Variants in RYR3 observed in about 807,000 individuals in gnomAD.
RYR3 encodes the protein brain ryanodine receptor-calcium release channel.
A neutral mutation model predicts 584.3 loss-of-function variants in RYR3; 207 were observed. The observed-to-expected ratio is 0.35, with a 90% confidence interval of 0.32 to 0.40. RYR3 has a LOEUF of 0.40. Among genes scored for constraint, RYR3 ranks in the 10% least tolerant of loss-of-function variants. The pLI is 1.00. For synonymous variants in RYR3, 2,416 were observed against 2,248.5 expected (o/e 1.07, Z -2.11); for missense variants, 5,616 against 6,089.2 (o/e 0.92, Z 2.59).
At chr15:33,499,949 A>C (rs1391094449) in intron 2 of RYR3, among the ~76,000 whole-genome samples, 1 of 152,218 alleles carries the variant, frequency 6.6e-6, no homozygotes, top group Non-Finnish European at 1.5e-5. Context: ...GGGGAGAAGA[A>C]AGACGTGTTG....
At chr15:33,556,795 A>G (rs964269000) in intron 10 of RYR3, among the ~76,000 whole-genome samples, 1 of 152,008 alleles carries the variant, frequency 6.6e-6, no homozygotes, top group Admixed American at 6.6e-5. Flanking sequence ...CCCTGGCTGC[A>G]CTCACATCAG....
At chr15:33,822,888 A>C in intron 80 of RYR3, 108 bp from the exon 81 acceptor site, 9 of 778,562 alleles carry the variant, frequency 1.2e-5, no homozygotes, top group African/African-American at 1.7e-5. Context: ...TTCCATAAGC[A>C]GAGCGTCCAA....
intron 20 of RYR3, among the ~76,000 whole-genome samples, chr15:33,625,314 A>T (rs561539638): frequency 7.4e-4 from 112 of 152,314 alleles, no homozygotes; most frequent in African/African-American, 2.5e-3. Flanking sequence ...ACAATTCGAG[A>T]TGATATTTGG....
intron 6 of RYR3, 143 bp downstream of exon 6, chr15:33,539,605 G>A (rs190261435): frequency 6.2e-6 from 3 of 482,548 alleles, no homozygotes; most frequent in South Asian, 3.7e-5. Context: ...ACAATGTAGG[G>A]GTTAGGGATG....
chr15:33,435,564 C>T (rs1309701454), intron 1 of RYR3, among the ~76,000 whole-genome samples: 4 of 152,196 alleles, frequency 2.6e-5, no homozygotes, highest in Non-Finnish European at 4.4e-5. Context: ...ATTGATGGGT[C>T]AAATGGGCTA....
intron 74 of RYR3, among the ~76,000 whole-genome samples, 163 bp from the exon 75 acceptor site, chr15:33,816,699 G>A (rs1228634411): frequency 6.6e-6 from 1 of 152,146 alleles, no homozygotes; most frequent in African/African-American, 2.4e-5. Flanking sequence ...GAGGGTTCTG[G>A]TTTCTTTGAA....
At chr15:33,576,642 A>C (rs998320642) in intron 12 of RYR3, among the ~76,000 whole-genome samples, 5 of 152,240 alleles carry the variant, frequency 3.3e-5, no homozygotes, top group Admixed American at 6.5e-5. Context: ...ATTTATGACA[A>C]ACCCACAGTC....
intron 1 of RYR3, among the ~76,000 whole-genome samples, chr15:33,407,071 G>A (rs1460478408): frequency 3.3e-5 from 5 of 152,222 alleles, no homozygotes; most frequent in African/African-American, 4.8e-5. Context: ...CTCTGAAGGG[G>A]AGGAACACTG....
intron 31 of RYR3, among the ~76,000 whole-genome samples, chr15:33,650,396 A>C (rs529148137): frequency 1.5e-4 from 23 of 152,132 alleles, no homozygotes; most frequent in Non-Finnish European, 2.8e-4. Flanking sequence ...AAAATAAAAA[A>C]ATAAGTGCTG....
intron 1 of RYR3, among the ~76,000 whole-genome samples, chr15:33,332,505 G>T (rs956001383): frequency 3.3e-5 from 5 of 151,908 alleles, no homozygotes; most frequent in Non-Finnish European, 7.4e-5. Context: ...CTATTTTTAA[G>T]CACACACACA....
At chr15:33,805,095 A>G (rs114251034) in intron 69 of RYR3, among the ~76,000 whole-genome samples, 2,326 of 152,318 alleles carry the variant, frequency 0.015, 49 homozygotes, top group African/African-American at 0.053. Flanking sequence ...TTGCAAATGT[A>G]TGTTAAGCTA....
intron 2 of RYR3, among the ~76,000 whole-genome samples, chr15:33,483,849 T>C (rs1435112): frequency 6.6e-6 from 1 of 151,940 alleles, no homozygotes; most frequent in African/African-American, 2.4e-5. Flanking sequence ...GGTAGCCCCA[T>C]ACTCAGGTCT....
At chr15:33,405,963 C>T (rs2141425765) in intron 1 of RYR3, among the ~76,000 whole-genome samples, 1 of 152,292 alleles carries the variant, frequency 6.6e-6, no homozygotes. Context: ...TGTGTCACTC[C>T]CTTCTCTATA....
At chr15:33,627,560 C>T (rs890255502) in intron 20 of RYR3, among the ~76,000 whole-genome samples, 4 of 152,126 alleles carry the variant, frequency 2.6e-5, no homozygotes, top group Admixed American at 2.6e-4. Context: ...TGCAAGGGCA[C>T]AGAACTGTGA....
chr15:33,708,172 T>A (rs778739766), intron 43 of RYR3, among the ~76,000 whole-genome samples: 2 of 152,232 alleles, frequency 1.3e-5, no homozygotes, highest in African/African-American at 2.4e-5. Flanking sequence ...TGGTTCACTT[T>A]GTATCCAAAT....
chr15:33,658,557 A>G (rs2062956997), intron 32 of RYR3, among the ~76,000 whole-genome samples: 3 of 152,230 alleles, frequency 2.0e-5, no homozygotes, highest in African/African-American at 7.2e-5. Context: ...TGTCCAGCAC[A>G]CCTGCCATCC....
At chr15:33,553,805 C>T (rs961684121) in intron 10 of RYR3, among the ~76,000 whole-genome samples, 3 of 152,172 alleles carry the variant, frequency 2.0e-5, no homozygotes, top group African/African-American at 7.2e-5. Flanking sequence ...CATCTGCTCT[C>T]TGTGAGACCT....
In RYR3 at chr15:33,647,988, C is replaced by CAA. The variant is rs3085194; in HGVS notation, c.3978+548_3978+549dup. Among the ~76,000 whole-genome samples, 78 of 98,304 alleles carry CAA rather than the reference C, an allele frequency of 7.9e-4. 2 individuals carry two copies. Among genetic ancestry groups the CAA allele is most frequent in the South Asian group, 1.7e-3 (4 of 2,338 alleles). 64.5% of individuals were successfully genotyped at this position (98,304 alleles called of 152,430 possible). A position where few individuals can be genotyped will look rare whatever the true frequency, so the allele number is the denominator to read the frequency against. On this transcript the variant is annotated intron_variant, in intron 30 of 103. Coordinates refer to ENST00000634891, the MANE Select transcript of RYR3 (RefSeq NM_001036.6). ...TCTCTCATTCTTCTTTAGCATCTGG[C>CAA]AAAAAAAAAAAAAAAAAAAAAGCCT...
At chr15:33,559,312 A>G (rs906674472) in intron 10 of RYR3, among the ~76,000 whole-genome samples, 3 of 152,144 alleles carry the variant, frequency 2.0e-5, no homozygotes, top group Non-Finnish European at 2.9e-5. Context: ...ATGTTGTGCA[A>G]TGTTCCTTTA....
Sources: gnomAD v4.1 joint callset for allele counts (sites outside exome capture counted in the v4.1 genomes callset) on GRCh38, gnomAD v4.1.1 for gene constraint, MANE v1.5 for transcripts, NCBI Gene and HGNC (gene_info 2026-07-23, HGNC 2026-07-21) for gene names.